Variants in ITPRID1 observed in about 807,000 individuals in gnomAD.
ITPRID1 encodes the protein ITPR interacting domain containing 1.
In ITPRID1, 96 loss-of-function variants were observed where a neutral mutation model predicts 95.4. The observed-to-expected ratio is 1.01, with a 90% CI of 0.85 to 1.19. ITPRID1 has a LOEUF of 1.19. ITPRID1 is among the 50% of genes most tolerant of loss of function. ITPRID1 has a pLI of 0.00. For missense variants in ITPRID1, 1,339 were observed against 1,252.9 expected (o/e 1.07, Z -1.04); for synonymous variants, 510 against 453.6 (o/e 1.12, Z -1.58).
intron 1 of ITPRID1, among the ~76,000 whole-genome samples, chr7:31,548,474 C>T (rs908327181): frequency 3.3e-5 from 5 of 152,080 alleles, no homozygotes; most frequent in Admixed American, 3.3e-4. Flanking sequence ...AGAGCCATAG[C>T]TTGAGGAACC....
Position 31,652,621 on chromosome 7 carries a change from AC to A in ITPRID1, c.2930del (p.Pro977GlnfsTer49), listed in dbSNP as rs1455541488. On this transcript the variant is annotated frameshift_variant, in exon 15 of 15. Transcript: ENST00000615280. LOFTEE classifies it low-confidence loss of function (END_TRUNC). ...GGGCAGACTTCATGTTCTAAAATCC[AC>A]CCAGGCATGGCCCCGAGGACTGTGT... ...SNGQTSCSKI[H>X]PGMAPRTVFP... is the part of the protein sequence containing the mutation. 1.4e-5 allele frequency: 23 copies of A among 1,613,520 alleles called. No homozygotes were observed. Among genetic ancestry groups the A allele is most frequent in the Non-Finnish European group, 1.9e-5 (23 of 1,179,792 alleles).
At chr7:31,619,810 C>G (rs962392787) in intron 10 of ITPRID1, among the ~76,000 whole-genome samples, 14 of 152,152 alleles carry the variant, frequency 9.2e-5, no homozygotes, top group Admixed American at 6.5e-5. Context: ...GAGGCATTGC[C>G]TCCCTCGGGA....
intron 1 of ITPRID1, among the ~76,000 whole-genome samples, chr7:31,530,725 A>G (rs1423125555): frequency 2.6e-5 from 4 of 152,144 alleles, no homozygotes; most frequent in Admixed American, 2.6e-4. Context: ...CAGTATTGGG[A>G]AGTGACTTAA....
At position 31,577,884 on chromosome 7, in the gene ITPRID1, T is replaced by A. The variant is rs781052167; in HGVS notation, c.620T>A (p.Ile207Asn). The A allele has an allele frequency of 1.2e-6, 2 of 1,605,352 alleles. No individual in the cohort carries two copies. The highest frequency in any genetic ancestry group is 3.4e-5 in the Admixed American group (2 of 58,608). ...NLYGRFRQLE[I>N]LDHVTNAFSS... ...GCAGGTCGTTTCCGACAGCTGGAAA[T>A]CCTGGACCATGTGACCAATGCCTTC... The change falls in exon 9 of 15, where the codon ATC (isoleucine) becomes AAC (asparagine). Residue 207 changes from isoleucine to asparagine, a missense_variant. Ile to Asn is a moderately radical substitution (Grantham distance 149). Transcript: ENST00000615280.
At chr7:31,635,676 A>C (rs2128200750) in intron 10 of ITPRID1, among the ~76,000 whole-genome samples, 1 of 152,276 alleles carries the variant, frequency 6.6e-6, no homozygotes, top group Non-Finnish European at 1.5e-5. Context: ...TCATGCTGCT[A>C]TGAAGAAATA....
intron 10 of ITPRID1, among the ~76,000 whole-genome samples, chr7:31,615,103 A>T (rs1338247937): frequency 6.6e-6 from 1 of 152,228 alleles, no homozygotes; most frequent in Non-Finnish European, 1.5e-5. Flanking sequence ...AGAAATTAGC[A>T]AAATTCTAAA....
intron 1 of ITPRID1, among the ~76,000 whole-genome samples, chr7:31,520,456 G>A (rs1302921395): frequency 6.6e-6 from 1 of 151,248 alleles, no homozygotes; most frequent in Non-Finnish European, 1.5e-5. Flanking sequence ...ATTCTACCCA[G>A]CTTTGGCCAA....
At chr7:31,583,500 C>T (rs1389282548) in intron 10 of ITPRID1, among the ~76,000 whole-genome samples, 1 of 152,078 alleles carries the variant, frequency 6.6e-6, no homozygotes, top group Non-Finnish European at 1.5e-5. Context: ...CAGTGGTGCG[C>T]ACCTGTAATC....
intron 9 of ITPRID1, among the ~76,000 whole-genome samples, chr7:31,579,865 A>G (rs189985725): frequency 1.8e-3 from 276 of 152,296 alleles, no homozygotes; most frequent in Admixed American, 3.4e-3. Context: ...TAATAATAAT[A>G]AAAGGAAGAA....
intron 10 of ITPRID1, among the ~76,000 whole-genome samples, chr7:31,616,079 A>C (rs1787190659): frequency 6.6e-6 from 1 of 152,122 alleles, no homozygotes; most frequent in African/African-American, 2.4e-5. Context: ...TTTCTGTTAA[A>C]AGGTCTAGCT....
intron 1 of ITPRID1, among the ~76,000 whole-genome samples, chr7:31,523,668 C>A (rs1272796717): frequency 6.6e-6 from 1 of 152,132 alleles, no homozygotes; most frequent in Non-Finnish European, 1.5e-5. Flanking sequence ...TGTGGCATCC[C>A]CACCTCTTGC....
In ITPRID1 at chr7:31,643,708, A is replaced by G; in HGVS notation, c.2338A>G (p.Thr780Ala). 6.2e-7 allele frequency: 1 copy of G among 1,614,018 alleles called. No homozygotes were observed. ...KTLTHGPQPL[T>A]KSVSLDSGFS... ...CTTGACACATGGGCCCCAGCCCCTCACCAAATCCGTCTCTCTAGACTCAGG... is the reference window on the plus strand; with the variant it reads ...CTTGACACATGGGCCCCAGCCCCTCGCCAAATCCGTCTCTCTAGACTCAGG... Residue 780 changes from threonine (T) to alanine (A), a missense_variant, in exon 12 of 15, where the codon ACC (threonine) becomes GCC (alanine). Thr to Ala is a moderately conservative substitution (Grantham distance 58). Coordinates refer to ENST00000615280, the MANE Select transcript of ITPRID1 (RefSeq NM_001257967.3).
intron 10 of ITPRID1, among the ~76,000 whole-genome samples, chr7:31,598,682 C>T (rs1187169870): frequency 2.6e-5 from 4 of 152,054 alleles, no homozygotes; most frequent in South Asian, 2.1e-4. Flanking sequence ...GGATTACAGG[C>T]GTGAGCCACC....
At chr7:31,598,412 T>C (rs1254476489) in intron 10 of ITPRID1, among the ~76,000 whole-genome samples, 2 of 143,770 alleles carry the variant, frequency 1.4e-5, no homozygotes, top group Admixed American at 6.9e-5. Flanking sequence ...TTTTTTTTTT[T>C]TTTTTTTTTG....
At chr7:31,516,756 G>A (rs778376153) in intron 1 of ITPRID1, among the ~76,000 whole-genome samples, 1 of 152,174 alleles carries the variant, frequency 6.6e-6, no homozygotes, top group South Asian at 2.1e-4. Flanking sequence ...ACTTCTCTGT[G>A]ACAAGATGTG....
chr7:31,599,616 TC>T (rs1276703943), intron 10 of ITPRID1, among the ~76,000 whole-genome samples: 4 of 56,782 alleles, frequency 7.0e-5, no homozygotes, highest in African/African-American at 1.9e-4. Flanking sequence ...TTTCTTTCTT[TC>T]TTTCTTTCTT....
intron 1 of ITPRID1, among the ~76,000 whole-genome samples, chr7:31,540,182 G>A (rs939944269): frequency 6.6e-6 from 1 of 152,098 alleles, no homozygotes; most frequent in East Asian, 1.9e-4. Context: ...GAGTAACACC[G>A]TCTGTAGATG....
At chr7:31,598,288 T>C (rs1462917704) in intron 10 of ITPRID1, among the ~76,000 whole-genome samples, 1 of 150,746 alleles carries the variant, frequency 6.6e-6, no homozygotes, top group East Asian at 2.0e-4. Context: ...CATTGGTTCA[T>C]CAAAGACAGA....
intron 4 of ITPRID1, 121 bp downstream of exon 4, chr7:31,554,644 G>C: frequency 8.1e-7 from 1 of 1,229,524 alleles, no homozygotes; most frequent in Non-Finnish European, 1.1e-6. Flanking sequence ...TTAATTGTAC[G>C]TGAAGTATTA....
Sources: allele counts gnomAD v4.1 joint callset (sites outside exome capture counted in the v4.1 genomes callset), GRCh38; gene constraint gnomAD v4.1.1; transcripts MANE v1.5; gene names NCBI Gene and HGNC (gene_info 2026-07-23, HGNC 2026-07-21).